The following MROH9 variants were observed in gnomAD, a reference collection of about 807,000 sequenced individuals.
MROH9 encodes maestro heat like repeat family member 9, also known as maestro heat-like repeat-containing protein family member 9.
MROH9 carries 92 observed loss-of-function variants against 98.2 expected under a neutral mutation model. The ratio of observed to expected loss-of-function variants is 0.94; its 90% confidence interval spans 0.79 to 1.11. MROH9 has a LOEUF of 1.11. Among genes scored for constraint, MROH9 ranks in the 50% most tolerant of loss-of-function variants. MROH9 has a pLI of 0.00. For synonymous variants in MROH9, 397 were observed against 368.9 expected, an observed-to-expected ratio of 1.08 and a Z score of -0.87; for missense variants, 1,057 against 1,014.8, an observed-to-expected ratio of 1.04 and a Z score of -0.57.
intron 14 of MROH9, among the ~76,000 whole-genome samples, chr1:170,996,935 G>T (rs888038202): frequency 2.0e-5 from 3 of 152,026 alleles, no homozygotes; most frequent in Non-Finnish European, 2.9e-5. Context: ...AGTGAGTTTG[G>T]TTTTTTCCCT....
intron 15 of MROH9, among the ~76,000 whole-genome samples, chr1:171,003,023 T>TA (rs113598345): frequency 0.14 from 21,193 of 152,192 alleles, 1,646 homozygotes; most frequent in African/African-American, 0.21. Context: ...GTCTTTCTTC[T>TA]ACTTGTTCAT....
intron 1 of MROH9, among the ~76,000 whole-genome samples, chr1:170,936,689 A>G (rs950489758): frequency 1.3e-5 from 2 of 152,226 alleles, no homozygotes; most frequent in African/African-American, 4.8e-5. Context: ...AATAAAGTCA[A>G]TAAGAAGCTC....
chr1:171,052,089 A>T lies in MROH9; in HGVS notation c.2282-10043A>T, dbSNP rs528464778. Among the ~76,000 whole-genome samples, 3 of 151,522 alleles carry T rather than the reference A, an allele frequency of 2.0e-5. No homozygotes were observed. In the South Asian group the frequency reaches 6.3e-4, roughly 32 times the overall value. On this transcript the variant is annotated intron_variant, in intron 20 of 21. Coordinates refer to ENST00000367759, the MANE Select transcript of MROH9 (RefSeq NM_001163629.2). ...TTTACTACTTATTGATCTGTTCAGG[A>T]CTTCTATTTATTCTTGGTTCAGTCT...
intron 16 of MROH9, 55 bp downstream of exon 16, chr1:171,014,309 T>C (rs1652258799): frequency 6.8e-7 from 1 of 1,477,700 alleles, no homozygotes; most frequent in Middle Eastern, 1.8e-4. Flanking sequence ...ATCTGAGATT[T>C]TGATGTCACT....
intron 8 of MROH9, among the ~76,000 whole-genome samples, chr1:170,980,201 T>C (rs1473119529): frequency 6.6e-6 from 1 of 152,142 alleles, no homozygotes; most frequent in East Asian, 1.9e-4. Context: ...CCTATCAAAC[T>C]ACCATTGACA....
intron 11 of MROH9, among the ~76,000 whole-genome samples, chr1:170,990,777 G>A (rs960650575): frequency 4.6e-5 from 7 of 152,050 alleles, no homozygotes; most frequent in South Asian, 2.1e-4. Context: ...AAAACTCCCC[G>A]ATGCTAAATT....
At chr1:171,023,535 C>T (rs553093876) in intron 17 of MROH9, among the ~76,000 whole-genome samples, 1 of 151,910 alleles carries the variant, frequency 6.6e-6, no homozygotes, top group Non-Finnish European at 1.5e-5. Flanking sequence ...ATTTAAGAAA[C>T]TCATTTTTCA....
chr1:171,046,270 T>C (rs1277352913), intron 20 of MROH9, among the ~76,000 whole-genome samples: 2 of 152,180 alleles, frequency 1.3e-5, no homozygotes, highest in African/African-American at 2.4e-5. Flanking sequence ...TGTCTTTTGA[T>C]TGGGGAATTT....
chr1:170,954,969 C>A (rs891771482), intron 3 of MROH9, among the ~76,000 whole-genome samples: 2 of 152,064 alleles, frequency 1.3e-5, no homozygotes, highest in Admixed American at 1.3e-4. Flanking sequence ...CCCCCTCCCA[C>A]TCTTTCCTCC....
intron 20 of MROH9, among the ~76,000 whole-genome samples, chr1:171,048,224 T>A (rs1208308241): frequency 6.6e-6 from 1 of 152,130 alleles, no homozygotes; most frequent in Non-Finnish European, 1.5e-5. Context: ...CAGGCCTGTG[T>A]TCCTCCCTTC....
intron 15 of MROH9, among the ~76,000 whole-genome samples, chr1:171,012,990 G>C (rs1652210227): frequency 6.6e-6 from 1 of 152,160 alleles, no homozygotes; most frequent in East Asian, 1.9e-4. Context: ...CTGCTGTCCA[G>C]TCTTCTGTTC....
At chr1:170,935,793 A>T (rs1253541509) in intron 1 of MROH9, among the ~76,000 whole-genome samples, 5 of 151,926 alleles carry the variant, frequency 3.3e-5, no homozygotes, top group African/African-American at 4.8e-5. Context: ...GGAGGTCGAG[A>T]CCACCCTAGG....
chr1:170,981,417 A>G (rs1420063649), intron 8 of MROH9, among the ~76,000 whole-genome samples: 1 of 152,238 alleles, frequency 6.6e-6, no homozygotes, highest in African/African-American at 2.4e-5. Flanking sequence ...ATACACTGGA[A>G]TACTATGCAG....
intron 17 of MROH9, among the ~76,000 whole-genome samples, chr1:171,020,807 A>G (rs1265681233): frequency 2.6e-5 from 4 of 152,200 alleles, no homozygotes; most frequent in African/African-American, 9.6e-5. Flanking sequence ...TCACGTAGGA[A>G]GAGAGGAAGT....
chr1:170,995,955 C>G (rs1651551145), intron 13 of MROH9, among the ~76,000 whole-genome samples: 1 of 152,114 alleles, frequency 6.6e-6, no homozygotes, highest in Admixed American at 6.6e-5. Flanking sequence ...ACTTTGTGAA[C>G]TGGAAAGTTA....
At chr1:171,052,986 C>T (rs1455471761) in intron 20 of MROH9, among the ~76,000 whole-genome samples, 2 of 152,128 alleles carry the variant, frequency 1.3e-5, no homozygotes, top group Admixed American at 1.3e-4. Flanking sequence ...GGGGCTCATT[C>T]TCCTGACTGA....
At chr1:170,979,979 C>T (rs900895956) in intron 8 of MROH9, among the ~76,000 whole-genome samples, 4 of 152,122 alleles carry the variant, frequency 2.6e-5, no homozygotes, top group African/African-American at 9.7e-5. Context: ...AATGGACTCC[C>T]ATTTACAATC....
In MROH9 at chr1:170,995,530, T is replaced by TAAAAC; in HGVS notation, c.1336_1337insAAAAC (p.Leu446Ter). ...GAAACCGATACTCAAGGACAGGGCT[T>TAAAAC]TGTGAGTTAAAACTGGTTATTTCAG... On this transcript the variant is annotated stop_gained and frameshift_variant and splice_region_variant, in exon 13 of 22. Coordinates refer to ENST00000367759, the MANE Select transcript of MROH9 (RefSeq NM_001163629.2). LOFTEE classifies it high-confidence loss of function. 6.2e-7 allele frequency: 1 copy of TAAAAC among 1,613,048 alleles called. No homozygotes were observed. The highest frequency in any genetic ancestry group is 8.5e-7 in the Non-Finnish European group (1 of 1,179,338).
chr1:171,046,825 CT>C (rs1653486234), intron 20 of MROH9, among the ~76,000 whole-genome samples: 1 of 152,118 alleles, frequency 6.6e-6, no homozygotes, highest in Non-Finnish European at 1.5e-5. Flanking sequence ...GAGTTACTCC[CT>C]TTAGCATTTC....
Sources: allele counts gnomAD v4.1 joint callset (sites outside exome capture counted in the v4.1 genomes callset), GRCh38; gene constraint gnomAD v4.1.1; transcripts MANE v1.5; gene names NCBI Gene and HGNC (gene_info 2026-07-23, HGNC 2026-07-21).